The following NUP205 variants were observed in gnomAD, a reference collection of about 807,000 sequenced individuals.
NUP205 encodes the protein nuclear pore complex protein Nup205.
NUP205 carries 76 observed loss-of-function variants against 253.8 expected under a neutral mutation model. The observed-to-expected ratio is 0.30, with a 90% CI of 0.25 to 0.36. NUP205 has a LOEUF of 0.36. NUP205 is among the 10% of genes least tolerant of loss of function. NUP205 has a pLI of 1.00. For missense variants in NUP205, 2,162 were observed against 2,425.5 expected (o/e 0.89, Z 2.28); for synonymous variants, 832 against 850.1 (o/e 0.98, Z 0.37).
At chr7:135,644,703 A>C (rs796776590) in intron 39 of NUP205, among the ~76,000 whole-genome samples, 192 bp from the exon 40 acceptor site, 6 of 152,292 alleles carry the variant, frequency 3.9e-5, no homozygotes, top group African/African-American at 1.4e-4. Context: ...ATAAATGTTC[A>C]TTTGTGAATT....
At chr7:135,585,928 A>G (rs897117850) in intron 8 of NUP205, among the ~76,000 whole-genome samples, 1 of 152,196 alleles carries the variant, frequency 6.6e-6, no homozygotes, top group African/African-American at 2.4e-5. Flanking sequence ...CCGTAACACA[A>G]AGGCTGCTTT....
At chr7:135,630,322 C>G in intron 34 of NUP205, 22 bp from the exon 35 acceptor site, 1 of 1,510,966 alleles carries the variant, frequency 6.6e-7, no homozygotes, top group Middle Eastern at 1.8e-4. Flanking sequence ...TTTTCTATTC[C>G]TCTTCCTTTT....
intron 3 of NUP205, 118 bp from the exon 4 acceptor site, chr7:135,576,152 C>A: frequency 2.7e-6 from 2 of 742,928 alleles, no homozygotes; most frequent in Non-Finnish European, 2.2e-6. Context: ...GACCCCAGGG[C>A]CCCTTAAGCC....
intron 22 of NUP205, among the ~76,000 whole-genome samples, chr7:135,610,315 G>A (rs932003899): frequency 2.0e-5 from 3 of 152,148 alleles, no homozygotes; most frequent in African/African-American, 7.2e-5. Flanking sequence ...CCACCTCCCG[G>A]GTTCAAGCGA....
At chr7:135,580,757 C>T (rs1806283293) in intron 7 of NUP205, among the ~76,000 whole-genome samples, 1 of 151,952 alleles carries the variant, frequency 6.6e-6, no homozygotes. Context: ...GCCACCATGC[C>T]CAGGTGTGAT....
intron 1 of NUP205, among the ~76,000 whole-genome samples, chr7:135,567,124 GTGTGTATATATATA>G (rs1380542440): frequency 0.021 from 519 of 24,206 alleles, 49 homozygotes; most frequent in Admixed American, 0.14. Context: ...CTCAGTCTAT[GTGTGTATATATATA>G]TATATATATA....
intron 26 of NUP205, 45 bp from the exon 27 acceptor site, chr7:135,617,557 A>C (rs919482559): frequency 7.1e-7 from 1 of 1,406,284 alleles, no homozygotes. Flanking sequence ...CTGTTCTACC[A>C]GTGTCTGAAA....
chr7:135,611,001 CTTTT>C (rs753311876), intron 22 of NUP205, among the ~76,000 whole-genome samples: 2 of 137,858 alleles, frequency 1.5e-5, no homozygotes. Flanking sequence ...TCCTTCTCTT[CTTTT>C]TTTTTTTTTT....
intron 7 of NUP205, among the ~76,000 whole-genome samples, chr7:135,581,195 G>A (rs1434476423): frequency 1.3e-5 from 2 of 152,134 alleles, no homozygotes; most frequent in African/African-American, 2.4e-5. Flanking sequence ...ATTGGTTTCT[G>A]TTCTCTTCAT....
rs1454000934 is a variant in NUP205, at chr7:135,557,919, A to C, written c.-26A>C. 4 of 1,612,376 alleles carry C rather than the reference A, an allele frequency of 2.5e-6. No individual in the cohort carries two copies. Among genetic ancestry groups the C allele is most frequent in the Non-Finnish European group, 3.4e-6 (4 of 1,178,362 alleles). On this transcript the variant is annotated 5_prime_UTR_variant, in exon 1 of 43. Coordinates refer to ENST00000285968, the MANE Select transcript of NUP205 (RefSeq NM_015135.3). ...CTTTCCCGGGGCCTCCATGCGGCAG[A>C]AGGGCTCTGTTAGTGCGCCTCTAAG... is the stretch of plus-strand genomic sequence containing the variant.
intron 1 of NUP205, among the ~76,000 whole-genome samples, chr7:135,570,678 T>TATTAATTATATTAATATA (rs71174535): frequency 2.1e-5 from 2 of 96,482 alleles, no homozygotes; most frequent in African/African-American, 7.9e-5. Flanking sequence ...AATTAATATA[T>TATTAATTATATTAATATA]ATTAATTATA....
intron 10 of NUP205, among the ~76,000 whole-genome samples, chr7:135,588,276 G>T (rs1410453027): frequency 7.0e-6 from 1 of 143,662 alleles, no homozygotes; most frequent in Non-Finnish European, 1.6e-5. Flanking sequence ...GGGTAGTCGG[G>T]ACTACAGGCA....
chr7:135,577,665 G>A (rs1460487046), intron 5 of NUP205, 131 bp from the exon 6 acceptor site: 3 of 640,396 alleles, frequency 4.7e-6, no homozygotes, highest in African/African-American at 1.8e-5. Flanking sequence ...TTCCAGAGGT[G>A]ACGTCTTAGG....
chr7:135,605,052 G>T (rs1045859881), intron 19 of NUP205, among the ~76,000 whole-genome samples: 4 of 150,162 alleles, frequency 2.7e-5, no homozygotes, highest in African/African-American at 9.9e-5. Flanking sequence ...GCTAGTTGAA[G>T]AATTTTTTTT....
intron 8 of NUP205, among the ~76,000 whole-genome samples, chr7:135,585,948 A>G (rs73725148): frequency 0.034 from 5,164 of 152,294 alleles, 120 homozygotes; most frequent in Middle Eastern, 0.1. Context: ...TTGAATAGAT[A>G]GCTTGAGCTG....
Position 135,635,601 on chromosome 7 carries a change from G to A in NUP205, c.5080G>A (p.Val1694Ile), listed in dbSNP as rs1426332683. The change falls in exon 36 of 43, where the codon GTT (valine) becomes ATT (isoleucine). Residue 1694 changes from valine (V) to isoleucine (I), a missense_variant. Transcript: ENST00000285968. ...TATAGGAATATTAAGTGAACTTGACGTTGATGTAAATGAAGGGTCTCTAAT... is the reference window on the plus strand; with the variant it reads ...TATAGGAATATTAAGTGAACTTGACATTGATGTAAATGAAGGGTCTCTAAT... Reference protein sequence around the residue: ...ALPGILSELDVDVNEGSLMEL... With the variant: ...ALPGILSELDIDVNEGSLMEL... The A allele has an allele frequency of 5.7e-6, 9 of 1,583,014 alleles. No homozygotes were observed. The East Asian group carries it at 1.1e-4, about 20-fold the overall frequency.
At chr7:135,611,994 C>T (rs1447163890) in intron 22 of NUP205, among the ~76,000 whole-genome samples, 1 of 152,024 alleles carries the variant, frequency 6.6e-6, no homozygotes. Context: ...GTGGTGGGCA[C>T]CTGTAGTCCC....
intron 1 of NUP205, among the ~76,000 whole-genome samples, chr7:135,562,420 A>G (rs1489306136): frequency 1.3e-5 from 2 of 151,332 alleles, no homozygotes; most frequent in African/African-American, 4.9e-5. Context: ...GGTGCCTCGA[A>G]TTTCTGACCT....
intron 30 of NUP205, among the ~76,000 whole-genome samples, chr7:135,622,452 T>C (rs974243117): frequency 2.0e-5 from 3 of 150,950 alleles, no homozygotes; most frequent in African/African-American, 7.3e-5. Flanking sequence ...AAAAAAAGAC[T>C]GATGAGCAGG....
Sources: gnomAD v4.1 joint callset for allele counts (sites outside exome capture counted in the v4.1 genomes callset) on GRCh38, gnomAD v4.1.1 for gene constraint, MANE v1.5 for transcripts, NCBI Gene and HGNC (gene_info 2026-07-23, HGNC 2026-07-21) for gene names.